Variants in LRP1B observed in about 807,000 individuals in gnomAD.
LRP1B encodes the protein low-density lipoprotein receptor-related protein 1B.
Under a neutral mutation model 556.6 loss-of-function variants are expected in LRP1B, and 217 were observed. The ratio of observed to expected loss-of-function variants is 0.39; its 90% CI spans 0.35 to 0.44. The LOEUF is 0.44. LRP1B is among the 20% of genes least tolerant of loss of function. The pLI, the probability that LRP1B is intolerant of heterozygous loss-of-function variation, is 1.00. For synonymous variants in LRP1B, 2,047 were observed against 1,865.8 expected (o/e 1.10, Z -2.50); for missense variants, 5,053 against 5,620.8 (o/e 0.90, Z 3.23).
At chr2:140,446,066 A>G (rs1265741559) in intron 63 of LRP1B, among the ~76,000 whole-genome samples, 1 of 152,154 alleles carries the variant, frequency 6.6e-6, no homozygotes, top group Non-Finnish European at 1.5e-5. Context: ...AGAGTTCTAA[A>G]ATGTTGAAAG....
intron 1 of LRP1B, among the ~76,000 whole-genome samples, chr2:141,978,855 T>C (rs1014776963): frequency 2.0e-5 from 3 of 152,048 alleles, no homozygotes; most frequent in African/African-American, 7.2e-5. Context: ...CATGTGCATA[T>C]GTACGTTTTG....
At chr2:141,802,673 C>G (rs1457171354) in intron 2 of LRP1B, among the ~76,000 whole-genome samples, 2 of 152,022 alleles carry the variant, frequency 1.3e-5, no homozygotes, top group East Asian at 3.9e-4. Flanking sequence ...AACACGACAT[C>G]CTTTAGTGCT....
At chr2:140,442,260 T>C (rs923513177) in intron 66 of LRP1B, among the ~76,000 whole-genome samples, 3 of 152,210 alleles carry the variant, frequency 2.0e-5, no homozygotes, top group Non-Finnish European at 4.4e-5. Flanking sequence ...TTATTCTACC[T>C]CTTTGGTCTA....
chr2:140,679,503 TATTC>T lies in LRP1B; in HGVS notation c.6799+20743_6799+20746del, dbSNP rs1171935994. Among the ~76,000 whole-genome samples, 14 of 152,338 alleles carry T rather than the reference TATTC, an allele frequency of 9.2e-5. No individual in the cohort carries two copies. The South Asian group carries it at 2.9e-3, about 32-fold the overall frequency. ...CTAATGATGTACATTTAAATACTAA[TATTC>T]ATTGTTTTTTACCAGTACGTAGCGA... On this transcript the variant is annotated intron_variant, in intron 41 of 90. Transcript: ENST00000389484.
intron 41 of LRP1B, among the ~76,000 whole-genome samples, chr2:140,622,599 A>G (rs1044165744): frequency 7.2e-5 from 11 of 152,088 alleles, no homozygotes; most frequent in African/African-American, 2.7e-4. Context: ...GTTCATACTT[A>G]CTACTAATTG....
chr2:141,079,240 G>T (rs1574052519), intron 7 of LRP1B, among the ~76,000 whole-genome samples: 1 of 152,122 alleles, frequency 6.6e-6, no homozygotes, highest in African/African-American at 2.4e-5. Context: ...AGAGCTCCGG[G>T]AAAAGGAGTC....
chr2:140,748,136 T>TAA (rs1553521663), intron 35 of LRP1B, among the ~76,000 whole-genome samples: 3,288 of 35,166 alleles, frequency 0.093, 315 homozygotes, highest in East Asian at 0.14. Flanking sequence ...TATATATATA[T>TAA]AATTCATATA....
rs759336471 is a variant in LRP1B, at chr2:140,378,222, A to G, written c.10596T>C (p.Phe3532=). ...CANGDCVSSR[F]WCDGDFDCAD... The stretch of plus-strand genomic sequence containing the variant: ...CACAGTCAAAATCTCCATCACACCA[A>G]AACCTTGAAGAAACACAGTCCCCAT... The change falls in exon 68 of 91, where the codon TTT becomes TTC. Residue 3532 remains phenylalanine, a synonymous_variant. Transcript: ENST00000389484. 2 of 1,613,894 alleles carry G rather than the reference A, an allele frequency of 1.2e-6. No individual in the cohort carries two copies. The highest frequency in any genetic ancestry group is 1.7e-5 in the Admixed American group (1 of 60,004).
intron 2 of LRP1B, among the ~76,000 whole-genome samples, chr2:141,551,622 A>G (rs191220743): frequency 2.3e-4 from 35 of 152,148 alleles, no homozygotes; most frequent in African/African-American, 8.2e-4. Context: ...TCAAACCTAA[A>G]CTGGACCATT....
At chr2:141,436,464 A>C (rs1234711140) in intron 3 of LRP1B, among the ~76,000 whole-genome samples, 1 of 152,198 alleles carries the variant, frequency 6.6e-6, no homozygotes, top group East Asian at 1.9e-4. Context: ...ACATTCATTC[A>C]GTAGGTTTCC....
chr2:141,812,919 C>T (rs1024687178), intron 1 of LRP1B, among the ~76,000 whole-genome samples: 3 of 151,494 alleles, frequency 2.0e-5, no homozygotes, highest in Admixed American at 1.3e-4. Flanking sequence ...CATCATAAAA[C>T]TTATGATATA....
rs189788695 is a variant in LRP1B, at chr2:141,124,675, A to G, written c.1014-62402T>C. 6.9e-3 allele frequency among the ~76,000 whole-genome samples: 1,042 copies of G among 151,654 alleles called. 5 individuals carry two copies. The highest frequency in any genetic ancestry group is 0.031 in the Middle Eastern group (9 of 292). ...ATGGAGTGACAAATGAAAAAAAAAA[A>G]AAAAAGAAAAAAATACTTTAAAGAG... On this transcript the variant is annotated intron_variant, in intron 7 of 90. Coordinates refer to ENST00000389484, the MANE Select transcript of LRP1B (RefSeq NM_018557.3).
chr2:140,801,543 C>G (rs115650917), intron 32 of LRP1B, among the ~76,000 whole-genome samples: 1 of 151,050 alleles, frequency 6.6e-6, no homozygotes, highest in South Asian at 2.1e-4. Context: ...AATCCCAGAG[C>G]GTTCATCTTA....
chr2:140,507,639 G>A (rs1689475572), intron 52 of LRP1B, among the ~76,000 whole-genome samples: 1 of 152,110 alleles, frequency 6.6e-6, no homozygotes, highest in Admixed American at 6.6e-5. Context: ...AACTAGTGCA[G>A]AGAAAGAAAA....
intron 25 of LRP1B, among the ~76,000 whole-genome samples, chr2:140,874,747 G>T (rs531568871): frequency 1.3e-5 from 2 of 151,886 alleles, no homozygotes; most frequent in Non-Finnish European, 1.5e-5. Context: ...GGCTGGGCGT[G>T]GTGGCTCATG....
At chr2:141,349,300 A>C (rs1216697326) in intron 3 of LRP1B, among the ~76,000 whole-genome samples, 1 of 151,970 alleles carries the variant, frequency 6.6e-6, no homozygotes, top group African/African-American at 2.4e-5. Flanking sequence ...ACACACACAC[A>C]CCCTATGCCA....
chr2:141,317,574 G>A (rs1687081538), intron 3 of LRP1B, among the ~76,000 whole-genome samples: 1 of 152,130 alleles, frequency 6.6e-6, no homozygotes, highest in African/African-American at 2.4e-5. Context: ...GTTGAGGTGG[G>A]AGACACAATT....
intron 1 of LRP1B, among the ~76,000 whole-genome samples, chr2:141,895,929 G>A (rs1699438658): frequency 6.6e-6 from 1 of 150,832 alleles, no homozygotes; most frequent in African/African-American, 2.4e-5. Context: ...AGGATGGCCG[G>A]GACAGCCACC....
At chr2:140,980,484 A>G (rs1242309348) in intron 18 of LRP1B, among the ~76,000 whole-genome samples, 1 of 152,178 alleles carries the variant, frequency 6.6e-6, no homozygotes, top group African/African-American at 2.4e-5. Context: ...GTGGTTCTCT[A>G]GTGCTTTCTT....
Sources: allele counts gnomAD v4.1 joint callset (sites outside exome capture counted in the v4.1 genomes callset), GRCh38; gene constraint gnomAD v4.1.1; transcripts MANE v1.5; gene names NCBI Gene and HGNC (gene_info 2026-07-23, HGNC 2026-07-21).